ARPC5: variants seen among roughly 807,000 people sequenced by gnomAD.
ARPC5 encodes the protein actin related protein 2/3 complex subunit 5.
ARPC5 carries 5 observed loss-of-function variants against 15.4 expected under a neutral mutation model. The observed-to-expected ratio is 0.32, with a 90% CI of 0.17 to 0.68. The LOEUF is 0.68. ARPC5 is among the 30% of genes least tolerant of loss of function. The probability of loss-of-function intolerance (pLI) is 0.71; values close to 1 mark genes in which losing one functional copy is unlikely to be tolerated. For missense variants in ARPC5, 138 were observed against 192.8 expected, an observed-to-expected ratio of 0.72 and a Z score of 1.68; for synonymous variants, 85 against 72.2, an observed-to-expected ratio of 1.18 and a Z score of -0.90.
At position 183,627,445 on chromosome 1, in the gene ARPC5, C is replaced by T; in HGVS notation, c.*87G>A. 9.0e-7 allele frequency: 1 copy of T among 1,117,286 alleles called. No individual in the cohort carries two copies. The highest frequency in any genetic ancestry group is 1.4e-6 in the Non-Finnish European group (1 of 731,830). 69.2% of individuals were successfully genotyped at this position (1,117,286 alleles called of 1,614,324 possible). A position where few individuals can be genotyped will look rare whatever the true frequency, so the allele number is the denominator to read the frequency against. ...GCAAAGCTGAGAGAAACAGATGCTA[C>T]CCACAGGGCAGCGGTGGCATTTGGT... On this transcript the variant is annotated 3_prime_UTR_variant, in exon 4 of 4. Transcript: ENST00000359856.
At chr1:183,628,390 TTAACTC>T (rs1166872548) in intron 3 of ARPC5, among the ~76,000 whole-genome samples, 1 of 152,058 alleles carries the variant, frequency 6.6e-6, no homozygotes, top group East Asian at 1.9e-4. Flanking sequence ...CTTAGAAACT[TTAACTC>T]TGACTCTAAT....
At position 183,625,136 on chromosome 1, in the gene ARPC5, A is replaced by T. The variant is rs527838726; in HGVS notation, c.*2396T>A. 1 of 152,330 alleles carries T rather than the reference A, an allele frequency of 6.6e-6. No individual in the cohort carries two copies. The highest frequency in any genetic ancestry group is 1.9e-4 in the East Asian group (1 of 5,186). The allele number at this position is 152,330 out of a possible 1,614,324, so 9.4% of individuals were successfully genotyped here. A position where few individuals can be genotyped will look rare whatever the true frequency, so the allele number is the denominator to read the frequency against. ...TAAAGGAGGAGAATGGGAGGTAAAC[A>T]ACTACTTTTGTGCTAAAAGTGTCCT... On this transcript the variant is annotated 3_prime_UTR_variant, in exon 4 of 4. Transcript: ENST00000359856.
At position 183,626,570 on chromosome 1, in the gene ARPC5, T is replaced by C. The variant is rs1242574469; in HGVS notation, c.*962A>G. 1 of 152,658 alleles carries C rather than the reference T, an allele frequency of 6.6e-6. No individual in the cohort carries two copies. The highest frequency in any genetic ancestry group is 2.4e-5 in the African/African-American group (1 of 41,460). 9.5% of individuals were successfully genotyped at this position (152,658 alleles called of 1,614,324 possible). ...TTTGTTTGGATCTGAACCAAATCTT[T>C]TGAGATCCCAACTACCCTGAAGAAC... On this transcript the variant is annotated 3_prime_UTR_variant, in exon 4 of 4. Transcript: ENST00000359856.
Position 183,625,443 on chromosome 1 carries a change from C to T in ARPC5, c.*2089G>A, listed in dbSNP as rs902659135. Reference sequence around the variant, plus strand: ...ATGAACTCCAGAATTTTTCCAAACGCTTCAGTTATGAAAGTGATGTTAAGA... The same window carrying T: ...ATGAACTCCAGAATTTTTCCAAACGTTTCAGTTATGAAAGTGATGTTAAGA... On this transcript the variant is annotated 3_prime_UTR_variant, in exon 4 of 4. Transcript: ENST00000359856. The T allele has an allele frequency of 6.6e-6, 1 of 152,198 alleles. No homozygotes were observed. Among genetic ancestry groups the T allele is most frequent in the Non-Finnish European group, 1.5e-5 (1 of 68,024 alleles). 9.4% of individuals were successfully genotyped at this position (152,198 alleles called of 1,614,324 possible).
chr1:183,635,651 C>T lies in ARPC5; in HGVS notation c.9G>A (p.Lys3=). 1 of 1,612,244 alleles carries T rather than the reference C, an allele frequency of 6.2e-7. No individual in the cohort carries two copies. Reference sequence around the variant, plus strand: ...GGAAGCGGGCCGACGACACTGTGTTCTTCGACATCCCAATCCCGACCAGCG... The same window carrying T: ...GGAAGCGGGCCGACGACACTGTGTTTTTCGACATCCCAATCCCGACCAGCG... MS[K]NTVSSARFRK... is the part of the protein sequence containing the mutation. The change falls in exon 1 of 4, where the codon AAG becomes AAA. Residue 3 remains lysine, a synonymous_variant. Coordinates refer to ENST00000359856, the MANE Select transcript of ARPC5 (RefSeq NM_005717.4).
In ARPC5 at chr1:183,633,213, C is replaced by A. The variant is rs1189392697; in HGVS notation, c.144-59G>T. On this transcript the variant is annotated intron_variant, in intron 1 of 3. Coordinates refer to ENST00000359856, the MANE Select transcript of ARPC5 (RefSeq NM_005717.4). ...GGCCCCCAGGAAAGCATTATAACCA[C>A]TGGTTCTTATGACTTGATTTACATA... 3 of 1,198,326 alleles carry A rather than the reference C, an allele frequency of 2.5e-6. No individual in the cohort carries two copies. The African/African-American group carries it at 4.8e-5, about 19-fold the overall frequency. 74.2% of individuals were successfully genotyped at this position (1,198,326 alleles called of 1,614,324 possible). A position where few individuals can be genotyped will look rare whatever the true frequency, so the allele number is the denominator to read the frequency against.
chr1:183,630,531 T>G lies in ARPC5; in HGVS notation c.323A>C (p.Lys108Thr). ...LDKNGVDLLM[K>T]YIYKGFESPS... is the part of the protein sequence containing the mutation. ...GCTCTCAAATCCTTTATAAATATAC[T>G]TCATTAGGAGATCCACACCATTCTT... Residue 108 changes from lysine to threonine, a missense_variant, in exon 3 of 4, where the codon AAG becomes ACG. Physicochemically the swap from Lys to Thr is moderately conservative, Grantham distance 78 (BLOSUM62 -1). This residue lies in a region of ARPC5 where 121 missense variants were observed against 153.7 expected (regional missense o/e 0.79). Transcript: ENST00000359856. 1 of 1,606,074 alleles carries G rather than the reference T, an allele frequency of 6.2e-7. No individual in the cohort carries two copies. Among genetic ancestry groups the G allele is most frequent in the South Asian group, 1.1e-5 (1 of 90,464 alleles).
At chr1:183,630,859 G>C (rs979271566) in intron 2 of ARPC5, 57 of 444,310 alleles carry the variant, frequency 1.3e-4, no homozygotes, top group African/African-American at 1.0e-3. Context: ...AATGTGGTTG[G>C]AGTGGATTGG....
Position 183,623,438 on chromosome 1 carries a change from GCCT to G in ARPC5, c.*4091_*4093del, listed in dbSNP as rs1488542082. On this transcript the variant is annotated 3_prime_UTR_variant, in exon 4 of 4. Coordinates refer to ENST00000359856, the MANE Select transcript of ARPC5 (RefSeq NM_005717.4). The stretch of plus-strand genomic sequence containing the variant: ...TGCTGTACCTCTGTGGGCTTCCCGG[GCCT>G]CCTCCATATCTGGAATCATACAAGA... 9 of 1,550,416 alleles carry G rather than the reference GCCT, an allele frequency of 5.8e-6. No individual in the cohort carries two copies. Among genetic ancestry groups the G allele is most frequent in the Admixed American group, 2.0e-5 (1 of 50,990 alleles).
chr1:183,623,451 C>G lies in ARPC5; in HGVS notation c.*4081G>C, dbSNP rs1459371407. 1 of 1,550,370 alleles carries G rather than the reference C, an allele frequency of 6.5e-7. No homozygotes were observed. The highest frequency in any genetic ancestry group is 2.4e-5 in the East Asian group (1 of 40,898). ...TGGGCTTCCCGGGCCTCCTCCATAT[C>G]TGGAATCATACAAGAGGCACCTGCA... On this transcript the variant is annotated 3_prime_UTR_variant, in exon 4 of 4. Coordinates refer to ENST00000359856, the MANE Select transcript of ARPC5 (RefSeq NM_005717.4).
rs1278657337 is a variant in ARPC5 at position 183,630,582 on chromosome 1, A to G, written c.272T>C (p.Ile91Thr). The G allele has an allele frequency of 4.3e-6, 7 of 1,614,150 alleles. No individual in the cohort carries two copies. The highest frequency in any genetic ancestry group is 2.2e-5 in the East Asian group (1 of 44,884). ...KVLISFKAND[I>T]EKAVQSLDKN... ...GTCCAGAGATTGAACTGCCTTTTCT[A>G]TATCATTAGCTTTAAAAGAGATGAG... is the stretch of plus-strand genomic sequence containing the variant. Residue 91 changes from isoleucine (I) to threonine (T), a missense_variant, in exon 3 of 4, where the codon ATA becomes ACA. Ile to Thr is a moderately conservative substitution (Grantham distance 89, BLOSUM62 -1). This residue lies in a region of ARPC5 where 121 missense variants were observed against 153.7 expected (regional missense o/e 0.79). Coordinates refer to ENST00000359856, the MANE Select transcript of ARPC5 (RefSeq NM_005717.4).
rs1028062499 is a variant in ARPC5, at chr1:183,625,487, A to C, written c.*2045T>G. The stretch of plus-strand genomic sequence containing the variant: ...GTTAAGAAGGATTTTATGAAAAAGC[A>C]TTCAGTATCATTTGATTTTAAAGTT... On this transcript the variant is annotated 3_prime_UTR_variant, in exon 4 of 4. Coordinates refer to ENST00000359856, the MANE Select transcript of ARPC5 (RefSeq NM_005717.4). The C allele has an allele frequency of 6.6e-6, 1 of 152,248 alleles. No individual in the cohort carries two copies. Among genetic ancestry groups the C allele is most frequent in the Non-Finnish European group, 1.5e-5 (1 of 68,044 alleles). 9.4% of individuals were successfully genotyped at this position (152,248 alleles called of 1,614,324 possible). A position where few individuals can be genotyped will look rare whatever the true frequency, so the allele number is the denominator to read the frequency against.
At chr1:183,633,298 C>A in intron 1 of ARPC5, 144 bp from the exon 2 acceptor site, 1 of 558,520 alleles carries the variant, frequency 1.8e-6, no homozygotes, top group Non-Finnish European at 3.1e-6. Flanking sequence ...TGTTGGTTTC[C>A]AGGATGTTAA....
At position 183,623,731 on chromosome 1, in the gene ARPC5, T is replaced by C. The variant is rs1483336699; in HGVS notation, c.*3801A>G. The C allele has an allele frequency of 5.5e-6, 3 of 544,990 alleles. No individual in the cohort carries two copies. The highest frequency in any genetic ancestry group is 9.8e-6 in the Non-Finnish European group (3 of 307,464). 33.8% of individuals were successfully genotyped at this position (544,990 alleles called of 1,614,324 possible). ...AAAGGAAAAATTGTGTATCTAAAAA[T>C]TAATCAATCTGGCTGGGCGCGGTGG... On this transcript the variant is annotated 3_prime_UTR_variant, in exon 4 of 4. Coordinates refer to ENST00000359856, the MANE Select transcript of ARPC5 (RefSeq NM_005717.4).
Position 183,624,033 on chromosome 1 carries a change from AATT to A in ARPC5, c.*3496_*3498del, listed in dbSNP as rs1164783274. 3.4e-4 allele frequency: 51 copies of A among 149,904 alleles called. No homozygotes were observed. The highest frequency in any genetic ancestry group is 7.4e-4 in the Admixed American group (11 of 14,770). 9.3% of individuals were successfully genotyped at this position (149,904 alleles called of 1,614,324 possible). A position where few individuals can be genotyped will look rare whatever the true frequency, so the allele number is the denominator to read the frequency against. On this transcript the variant is annotated 3_prime_UTR_variant, in exon 4 of 4. Transcript: ENST00000359856. ...GCAAGACTCCATCTCAAAAAAAAAAAATTAATTAATTAATTTTCTTTTTTACCT... is the reference window on the plus strand; with the variant it reads ...GCAAGACTCCATCTCAAAAAAAAAAAAATTAATTAATTTTCTTTTTTACCT...
intron 2 of ARPC5, chr1:183,632,866 C>T (rs1390212231): frequency 5.2e-6 from 2 of 387,162 alleles, no homozygotes; most frequent in Admixed American, 4.7e-5. Context: ...ATTTCACTAT[C>T]GTTTGAACTT....
chr1:183,630,203 C>T, intron 3 of ARPC5: 1 of 302,890 alleles, frequency 3.3e-6, no homozygotes, highest in Middle Eastern at 9.2e-4. Flanking sequence ...TTTTCTTTTA[C>T]AAAGTTTTGA....
rs1254526658 is a variant in ARPC5 at position 183,623,282 on chromosome 1, A to G, written c.*4250T>C. Reference sequence around the variant, plus strand: ...ATGTAAACATAGATTATTTATGTTGATTACTCTTACACACTCAAGTAACAG... The same window carrying G: ...ATGTAAACATAGATTATTTATGTTGGTTACTCTTACACACTCAAGTAACAG... On this transcript the variant is annotated 3_prime_UTR_variant, in exon 4 of 4. Coordinates refer to ENST00000359856, the MANE Select transcript of ARPC5 (RefSeq NM_005717.4). The G allele has an allele frequency of 1.3e-6, 1 of 760,876 alleles. No individual in the cohort carries two copies. The highest frequency in any genetic ancestry group is 2.5e-5 in the Admixed American group (1 of 40,706). 47.1% of individuals were successfully genotyped at this position (760,876 alleles called of 1,614,324 possible).
intron 3 of ARPC5, among the ~76,000 whole-genome samples, chr1:183,630,094 T>C (rs1649220524): frequency 6.6e-6 from 1 of 152,228 alleles, no homozygotes; most frequent in Non-Finnish European, 1.5e-5. Context: ...CATATTCCAT[T>C]GTATGTATGT....
Sources: gnomAD v4.1 joint callset for allele counts (sites outside exome capture counted in the v4.1 genomes callset) on GRCh38, gnomAD v4.1.1 for gene constraint, gnomAD v4.1.1 regional missense constraint, MANE v1.5 for transcripts, NCBI Gene and HGNC (gene_info 2026-07-23, HGNC 2026-07-21) for gene names.